FOCAD: variants seen among roughly 807,000 people sequenced by gnomAD.
FOCAD encodes the protein focadhesin.
In FOCAD, 198 loss-of-function variants were observed where a neutral mutation model predicts 225.6. That is an observed-to-expected ratio of 0.88 (90% confidence interval 0.78 to 0.99). The LOEUF is 0.99. Among genes scored for constraint, FOCAD ranks in the 50% least tolerant of loss-of-function variants. The probability of loss-of-function intolerance (pLI) is 0.00; values close to 1 mark genes in which losing one functional copy is unlikely to be tolerated. For missense variants in FOCAD, 2,713 were observed against 2,123.6 expected (o/e 1.28, Z -5.46); for synonymous variants, 897 against 755.0 (o/e 1.19, Z -3.08).
At chr9:20,887,151 T>G (rs1411920795) in intron 21 of FOCAD, among the ~76,000 whole-genome samples, 2 of 152,216 alleles carry the variant, frequency 1.3e-5, no homozygotes, top group South Asian at 2.1e-4. Context: ...CAGATGAAAT[T>G]TCTTCAAACC....
intron 11 of FOCAD, among the ~76,000 whole-genome samples, chr9:20,804,350 T>C (rs986572492): frequency 1.3e-5 from 2 of 152,068 alleles, no homozygotes; most frequent in Non-Finnish European, 2.9e-5. Flanking sequence ...AGAGAATTTT[T>C]GGTGCCTGTT....
At chr9:20,777,636 C>G (rs1455249452) in intron 8 of FOCAD, among the ~76,000 whole-genome samples, 1 of 152,068 alleles carries the variant, frequency 6.6e-6, no homozygotes, top group Non-Finnish European at 1.5e-5. Context: ...CTCCCTGGCA[C>G]TAATATTTCT....
At chr9:20,852,647 T>C (rs769550057) in intron 15 of FOCAD, among the ~76,000 whole-genome samples, 5 of 151,848 alleles carry the variant, frequency 3.3e-5, no homozygotes, top group Non-Finnish European at 5.9e-5. Context: ...AGTTTTTCTC[T>C]AAAGTGGTCT....
At chr9:20,707,271 C>T (rs1387322817) in intron 1 of FOCAD, among the ~76,000 whole-genome samples, 1 of 152,124 alleles carries the variant, frequency 6.6e-6, no homozygotes, top group African/African-American at 2.4e-5. Flanking sequence ...GTATTTTCTA[C>T]TCTGGGTTTA....
chr9:20,824,410 A>AT (rs1212911537), intron 15 of FOCAD, among the ~76,000 whole-genome samples: 2 of 151,924 alleles, frequency 1.3e-5, no homozygotes, highest in African/African-American at 2.4e-5. Flanking sequence ...TGAAATTAAC[A>AT]TTTTTTCTTA....
At chr9:20,944,907 A>C (rs1317192512) in intron 29 of FOCAD, 133 bp downstream of exon 29, 3 of 964,272 alleles carry the variant, frequency 3.1e-6, no homozygotes, top group South Asian at 1.9e-5. Context: ...TGAATGACAA[A>C]CAACCAATAT....
At chr9:20,825,752 G>A (rs545666933) in intron 15 of FOCAD, among the ~76,000 whole-genome samples, 1 of 152,082 alleles carries the variant, frequency 6.6e-6, no homozygotes, top group African/African-American at 2.4e-5. Flanking sequence ...GTCTTTGCTT[G>A]CATCAGATTA....
chr9:20,694,626 T>G (rs1207751626), intron 1 of FOCAD: 1 of 152,182 alleles, frequency 6.6e-6, no homozygotes, highest in Non-Finnish European at 1.5e-5. Flanking sequence ...TTTTTTAAAA[T>G]TTTCTTTTAT....
intron 1 of FOCAD, among the ~76,000 whole-genome samples, chr9:20,711,950 G>A (rs1032517962): frequency 1.3e-4 from 20 of 152,294 alleles, no homozygotes; most frequent in Middle Eastern, 3.4e-3. Context: ...TTCCCAGTGT[G>A]TATCCCAGGA....
chr9:20,740,731 A>G (rs374971005), intron 5 of FOCAD, among the ~76,000 whole-genome samples: 2 of 152,222 alleles, frequency 1.3e-5, no homozygotes, highest in African/African-American at 4.8e-5. Flanking sequence ...ATAAAAAGCA[A>G]TAGGAGACTG....
Position 20,982,336 on chromosome 9 carries a change from T to G in FOCAD, c.4639-21T>G, listed in dbSNP as rs754268002. ...TTATTTTACACTGTTTGTTGACATG[T>G]TTGGGATTTTTCTTTATCAGAGAAA... On this transcript the variant is annotated intron_variant, in intron 38 of 43. Transcript: ENST00000338382. 6.4e-6 allele frequency: 10 copies of G among 1,554,406 alleles called. No individual in the cohort carries two copies. The South Asian group carries it at 1.1e-4, about 18-fold the overall frequency.
At chr9:20,791,304 A>G (rs533863971) in intron 11 of FOCAD, among the ~76,000 whole-genome samples, 1 of 152,016 alleles carries the variant, frequency 6.6e-6, no homozygotes, top group Non-Finnish European at 1.5e-5. Flanking sequence ...TGTAAGTAAC[A>G]GAAACCCATC....
At chr9:20,692,366 A>G (rs1479269312) in intron 1 of FOCAD, among the ~76,000 whole-genome samples, 3 of 152,108 alleles carry the variant, frequency 2.0e-5, no homozygotes, top group African/African-American at 2.4e-5. Flanking sequence ...TACCTTCACA[A>G]TGTATTTAGA....
At chr9:20,859,551 A>T (rs921812511) in intron 15 of FOCAD, among the ~76,000 whole-genome samples, 6 of 150,768 alleles carry the variant, frequency 4.0e-5, no homozygotes, top group African/African-American at 1.5e-4. Flanking sequence ...TAAGTTAGAG[A>T]ATTAATGTCT....
At chr9:20,932,560 A>C (rs1357860731) in intron 27 of FOCAD, among the ~76,000 whole-genome samples, 3 of 152,352 alleles carry the variant, frequency 2.0e-5, no homozygotes, top group Non-Finnish European at 4.4e-5. Context: ...AATAGAATTT[A>C]TAACCTCCAC....
At chr9:20,774,376 C>T (rs1357646335) in intron 8 of FOCAD, among the ~76,000 whole-genome samples, 5 of 152,124 alleles carry the variant, frequency 3.3e-5, no homozygotes, top group East Asian at 1.9e-4. Flanking sequence ...GTTGTTGGTA[C>T]GCAATGCCTA....
chr9:20,808,507 G>A (rs1420360573), intron 11 of FOCAD, among the ~76,000 whole-genome samples: 1 of 152,182 alleles, frequency 6.6e-6, no homozygotes, highest in East Asian at 1.9e-4. Context: ...GAAAGGGGCA[G>A]ACAATTACCT....
At chr9:20,787,877 G>A (rs1563990050) in intron 10 of FOCAD, among the ~76,000 whole-genome samples, 1 of 151,892 alleles carries the variant, frequency 6.6e-6, no homozygotes, top group Non-Finnish European at 1.5e-5. Flanking sequence ...TTTCACTTGG[G>A]GGAATCTTTT....
At chr9:20,937,502 G>A (rs1409624341) in intron 28 of FOCAD, among the ~76,000 whole-genome samples, 5 of 151,710 alleles carry the variant, frequency 3.3e-5, no homozygotes, top group African/African-American at 1.2e-4. Flanking sequence ...TTAATAAATG[G>A]TGCTGGGAAA....
Sources: allele counts gnomAD v4.1 joint callset (sites outside exome capture counted in the v4.1 genomes callset), GRCh38; gene constraint gnomAD v4.1.1; transcripts MANE v1.5; gene names NCBI Gene and HGNC (gene_info 2026-07-23, HGNC 2026-07-21).